The following PRKN variants were observed in gnomAD, a reference collection of about 807,000 sequenced individuals.
The protein encoded by PRKN is E3 ubiquitin-protein ligase parkin.
In PRKN, 56 loss-of-function variants were observed where a neutral mutation model predicts 59.5. The observed-to-expected ratio is 0.94, with a 90% CI of 0.76 to 1.18. The LOEUF (loss-of-function observed/expected upper bound fraction) is 1.18. Among genes scored for constraint, PRKN ranks in the 50% most tolerant of loss-of-function variants. The probability of loss-of-function intolerance (pLI) is 0.00; values close to 1 mark genes in which losing one functional copy is unlikely to be tolerated. For missense variants in PRKN, 657 were observed against 596.4 expected (o/e 1.10, Z -1.06); for synonymous variants, 250 against 222.1 (o/e 1.13, Z -1.12).
chr6:162,327,075 C>T (rs1046014546), intron 2 of PRKN, among the ~76,000 whole-genome samples: 2 of 152,128 alleles, frequency 1.3e-5, no homozygotes, highest in African/African-American at 2.4e-5. Flanking sequence ...TAACAAACTC[C>T]AGGATTTAAA....
At chr6:162,542,495 C>T (rs375891120) in intron 1 of PRKN, among the ~76,000 whole-genome samples, 12 of 152,080 alleles carry the variant, frequency 7.9e-5, no homozygotes, top group South Asian at 2.1e-4. Context: ...GTTTTACATA[C>T]GGCATTTCCA....
At chr6:162,145,448 T>A (rs1434868532) in intron 4 of PRKN, among the ~76,000 whole-genome samples, 1 of 152,214 alleles carries the variant, frequency 6.6e-6, no homozygotes, top group Non-Finnish European at 1.5e-5. Context: ...TGCCTGGGAA[T>A]ATTTACACAT....
rs183603401 is a variant in PRKN at position 161,670,017 on chromosome 6, T to C, written c.872-100601A>G. Among the ~76,000 whole-genome samples the C allele has an allele frequency of 4.3e-3, 658 of 152,292 alleles. 4 individuals carry two copies. Among genetic ancestry groups the C allele is most frequent in the Non-Finnish European group, 3.8e-3 (258 of 68,008 alleles). On this transcript the variant is annotated intron_variant, in intron 7 of 11. Transcript: ENST00000366898. ...GATCTCAGTCTGGCATCCAGTGACATAGGAATGTGTGTTAGAGATGACTGA... is the reference window on the plus strand; with the variant it reads ...GATCTCAGTCTGGCATCCAGTGACACAGGAATGTGTGTTAGAGATGACTGA...
At chr6:162,358,944 CAGATACTGA>C (rs950139690) in intron 2 of PRKN, among the ~76,000 whole-genome samples, 1 of 150,664 alleles carries the variant, frequency 6.6e-6, no homozygotes, top group African/African-American at 2.5e-5. Flanking sequence ...CCTGCAATCC[CAGATACTGA>C]GGAGACTGAG....
At position 162,652,757 on chromosome 6, in the gene PRKN, G is replaced by T. The variant is rs532985841; in HGVS notation, c.7+74905C>A. Among the ~76,000 whole-genome samples the T allele has an allele frequency of 3.3e-5, 5 of 151,984 alleles. No individual in the cohort carries two copies. In the East Asian group the frequency reaches 9.7e-4, roughly 29 times the overall value. On this transcript the variant is annotated intron_variant, in intron 1 of 11. Transcript: ENST00000366898. ...GAGTTCAAAACCAGCCTGGGCAACA[G>T]CTGACTGACACTTCCTCTTTATTAA...
In PRKN at chr6:161,739,915, C is replaced by T. The variant is rs561140395; in HGVS notation, c.871+45857G>A. On this transcript the variant is annotated intron_variant, in intron 7 of 11. Transcript: ENST00000366898. The stretch of plus-strand genomic sequence containing the variant: ...GATTACAGGTGCACACCACCACGCC[C>T]AGCTAGTTTTTGTATTTTTAGTAAA... Among the ~76,000 whole-genome samples, 6 of 152,180 alleles carry T rather than the reference C, an allele frequency of 3.9e-5. 1 individual carries two copies. The East Asian group carries it at 1.2e-3, about 29-fold the overall frequency.
intron 6 of PRKN, among the ~76,000 whole-genome samples, chr6:161,858,858 C>CTTTTTTTTTTTTTTTTTTTTTTTTTT: frequency 1.4e-5 from 1 of 71,936 alleles, no homozygotes; most frequent in Non-Finnish European, 2.7e-5. Context: ...CACAGCTGTA[C>CTTTTTTTTTTTTTTTTTTTTTTTTTT]TTTTTTTTTT....
chr6:162,684,226 T>C (rs1779881884), intron 1 of PRKN, among the ~76,000 whole-genome samples: 1 of 152,130 alleles, frequency 6.6e-6, no homozygotes, highest in South Asian at 2.1e-4. Flanking sequence ...TTATCTTTGT[T>C]GAAGTATGCC....
chr6:162,544,937 A>G (rs538196796), intron 1 of PRKN, among the ~76,000 whole-genome samples: 1 of 149,028 alleles, frequency 6.7e-6, no homozygotes, highest in South Asian at 2.2e-4. Flanking sequence ...TCAGCCTCCC[A>G]AAGCGCTGGG....
At chr6:161,556,716 T>G (rs1275943732) in intron 8 of PRKN, among the ~76,000 whole-genome samples, 1 of 152,184 alleles carries the variant, frequency 6.6e-6, no homozygotes, top group African/African-American at 2.4e-5. Flanking sequence ...TCCAAGGGCT[T>G]TTTTACTTAT....
intron 1 of PRKN, among the ~76,000 whole-genome samples, chr6:162,598,034 G>C (rs554283355): frequency 5.6e-4 from 85 of 152,182 alleles, no homozygotes; most frequent in Middle Eastern, 6.8e-3. Flanking sequence ...AGTTAAAATA[G>C]AATCACGATG....
chr6:162,308,606 C>A (rs1782340072), intron 2 of PRKN, among the ~76,000 whole-genome samples: 1 of 152,150 alleles, frequency 6.6e-6, no homozygotes, highest in African/African-American at 2.4e-5. Context: ...TATCCTATTG[C>A]ATACCTCCCA....
At chr6:162,410,322 C>G (rs1389944917) in intron 2 of PRKN, among the ~76,000 whole-genome samples, 1 of 152,056 alleles carries the variant, frequency 6.6e-6, no homozygotes, top group East Asian at 1.9e-4. Context: ...CAGAGTTTGC[C>G]CCCATTGGAT....
chr6:162,421,967 C>T (rs570676748), intron 2 of PRKN, among the ~76,000 whole-genome samples: 10 of 152,188 alleles, frequency 6.6e-5, no homozygotes, highest in African/African-American at 2.4e-4. Context: ...GCAAGGAAAG[C>T]TTATCTTCAA....
chr6:162,054,382 G>A (rs994106388), intron 4 of PRKN, among the ~76,000 whole-genome samples: 2 of 152,178 alleles, frequency 1.3e-5, no homozygotes, highest in African/African-American at 2.4e-5. Flanking sequence ...ATACAAAGAC[G>A]ATATTTGACA....
chr6:162,036,309 G>A (rs888671798), intron 5 of PRKN, among the ~76,000 whole-genome samples: 30 of 152,052 alleles, frequency 2.0e-4, no homozygotes, highest in African/African-American at 6.7e-4. Flanking sequence ...GGGCAACAGA[G>A]CGAGACCCCG....
chr6:161,967,245 C>T (rs1415820949), intron 6 of PRKN, among the ~76,000 whole-genome samples: 1 of 151,722 alleles, frequency 6.6e-6, no homozygotes, highest in Non-Finnish European at 1.5e-5. Context: ...TCTTATACAT[C>T]GGCCTACATG....
rs544023889 is a variant in PRKN, at chr6:162,362,261, C to T, written c.171+81049G>A. On this transcript the variant is annotated intron_variant, in intron 2 of 11. Transcript: ENST00000366898. ...AATCAAATCATCTCAAGAATGTTTT[C>T]GTTATTTTTCTCTACCATGTAAAAT... Among the ~76,000 whole-genome samples, 3 of 152,168 alleles carry T rather than the reference C, an allele frequency of 2.0e-5. No homozygotes were observed. The South Asian group carries it at 6.2e-4, about 32-fold the overall frequency.
intron 1 of PRKN, among the ~76,000 whole-genome samples, chr6:162,543,951 C>T (rs554656892): frequency 6.6e-6 from 1 of 152,278 alleles, no homozygotes; most frequent in African/African-American, 2.4e-5. Flanking sequence ...TTACTTTCAT[C>T]CCAGGTAAGT....
Sources: gnomAD v4.1 joint callset for allele counts (sites outside exome capture counted in the v4.1 genomes callset) on GRCh38, gnomAD v4.1.1 for gene constraint, MANE v1.5 for transcripts, NCBI Gene and HGNC (gene_info 2026-07-23, HGNC 2026-07-21) for gene names.